USP47: variants seen among roughly 807,000 people sequenced by gnomAD.
USP47 encodes the protein ubiquitin carboxyl-terminal hydrolase 47.
Under a neutral mutation model 165.1 loss-of-function variants are expected in USP47, and 35 were observed. The observed-to-expected ratio is 0.21, with a 90% CI of 0.16 to 0.28. The LOEUF is 0.28. USP47 is among the 10% of genes least tolerant of loss of function. USP47 has a pLI of 1.00. For missense variants in USP47, 1,277 were observed against 1,607.4 expected (o/e 0.79, Z 3.52); for synonymous variants, 531 against 544.5 (o/e 0.98, Z 0.35).
At chr11:11,925,297 A>G (rs1854155465) in intron 11 of USP47, among the ~76,000 whole-genome samples, 1 of 151,840 alleles carries the variant, frequency 6.6e-6, no homozygotes, top group African/African-American at 2.4e-5. Flanking sequence ...TTTAGTAGAG[A>G]TGGGGTTTCA....
intron 4 of USP47, 49 bp downstream of exon 4, chr11:11,892,155 T>C: frequency 6.4e-7 from 1 of 1,563,120 alleles, no homozygotes; most frequent in Non-Finnish European, 8.7e-7. Flanking sequence ...AGATCCAAAG[T>C]AATCTTAGCG....
chr11:11,950,440 A>C lies in USP47; in HGVS notation c.3541A>C (p.Asn1181His), dbSNP rs755745251. ...LDYHIYEEDI[N>H]ISSNWEVFLE... ...TTATCATATTTATGAAGAAGATATT[A>C]ATATTTCCAGCAACTGGGAGGTTTT... is the stretch of plus-strand genomic sequence containing the variant. The change falls in exon 24 of 28, where the codon AAT becomes CAT. Residue 1181 changes from asparagine to histidine, a missense_variant. By Grantham distance (68) the Asn-to-His change is moderately conservative. Around this residue, in one of 4 missense-constraint regions of USP47, gnomAD observed 909 missense variants for 1,068.1 expected, o/e 0.85. Transcript: ENST00000527733. 1.2e-6 allele frequency: 2 copies of C among 1,606,442 alleles called. No individual in the cohort carries two copies. Among genetic ancestry groups the C allele is most frequent in the Admixed American group, 3.4e-5 (2 of 58,746 alleles).
chr11:11,944,341 A>G (rs887537865), intron 20 of USP47, among the ~76,000 whole-genome samples: 5 of 152,006 alleles, frequency 3.3e-5, no homozygotes, highest in Non-Finnish European at 7.4e-5. Context: ...AGAAATTATG[A>G]AATAATACAA....
intron 1 of USP47, among the ~76,000 whole-genome samples, chr11:11,871,368 T>C (rs1423246779): frequency 1.3e-5 from 2 of 151,626 alleles, no homozygotes; most frequent in African/African-American, 4.8e-5. Context: ...CTGGGCATGG[T>C]GGTGCATGCC....
chr11:11,879,182 T>C (rs1850670409), intron 1 of USP47, among the ~76,000 whole-genome samples: 1 of 152,128 alleles, frequency 6.6e-6, no homozygotes, highest in Non-Finnish European at 1.5e-5. Context: ...CATAATTTTG[T>C]TGTAGGATAT....
At chr11:11,871,554 G>A (rs994472642) in intron 1 of USP47, among the ~76,000 whole-genome samples, 5 of 145,792 alleles carry the variant, frequency 3.4e-5, no homozygotes, top group Non-Finnish European at 7.5e-5. Flanking sequence ...CTGGTTGGTG[G>A]GAACCTAAGT....
chr11:11,955,094 A>T lies in USP47; in HGVS notation c.3823A>T (p.Asn1275Tyr). The T allele has an allele frequency of 1.9e-6, 3 of 1,613,906 alleles. No homozygotes were observed. Among genetic ancestry groups the T allele is most frequent in the Non-Finnish European group, 2.5e-6 (3 of 1,179,902 alleles). ...TGATATTCATCAGGATTTAGACTGGAATCCTAAAGTTTCTACCCTGAATGT... is the reference window on the plus strand; with the variant it reads ...TGATATTCATCAGGATTTAGACTGGTATCCTAAAGTTTCTACCCTGAATGT... ...VLDIHQDLDW[N>Y]PKVSTLNVWP... Residue 1275 changes from asparagine to tyrosine, a missense_variant, in exon 27 of 28, where the codon AAT becomes TAT. Transcript: ENST00000527733.
chr11:11,851,932 T>C (rs1325487122), intron 1 of USP47, among the ~76,000 whole-genome samples: 1 of 152,154 alleles, frequency 6.6e-6, no homozygotes, highest in African/African-American at 2.4e-5. Context: ...TAGGGGGGCA[T>C]GATGCTGATA....
intron 2 of USP47, among the ~76,000 whole-genome samples, chr11:11,883,597 C>T (rs1353767586): frequency 6.6e-6 from 1 of 152,164 alleles, no homozygotes; most frequent in Non-Finnish European, 1.5e-5. Context: ...CTGCCCATGT[C>T]TTTGAAACAT....
intron 1 of USP47, among the ~76,000 whole-genome samples, chr11:11,866,898 T>C (rs1468988697): frequency 6.6e-6 from 1 of 152,054 alleles, no homozygotes; most frequent in Non-Finnish European, 1.5e-5. Flanking sequence ...TAATTTTTAA[T>C]TTTTACTTTT....
intron 20 of USP47, among the ~76,000 whole-genome samples, chr11:11,947,364 C>T (rs556666587): frequency 2.6e-5 from 4 of 152,214 alleles, no homozygotes; most frequent in African/African-American, 9.6e-5. Context: ...AATCAGACAT[C>T]TTAGTATGCC....
chr11:11,951,587 T>C (rs1042379701), intron 24 of USP47: 5 of 152,218 alleles, frequency 3.3e-5, no homozygotes. Context: ...AGGAAAATTT[T>C]AATTTTCCTT....
chr11:11,954,095 C>A (rs867409073), intron 25 of USP47, among the ~76,000 whole-genome samples: 29 of 151,976 alleles, frequency 1.9e-4, no homozygotes, highest in African/African-American at 6.3e-4. Flanking sequence ...ACTAAAAATA[C>A]AAAAATTAGC....
intron 8 of USP47, among the ~76,000 whole-genome samples, chr11:11,908,031 T>G (rs1411181485): frequency 6.6e-6 from 1 of 152,058 alleles, no homozygotes; most frequent in East Asian, 1.9e-4. Context: ...GAGGCTGCAA[T>G]GAGCTGAGAT....
intron 11 of USP47, among the ~76,000 whole-genome samples, chr11:11,924,792 T>C (rs2134634819): frequency 6.6e-6 from 1 of 152,290 alleles, no homozygotes; most frequent in East Asian, 1.9e-4. Context: ...TTTAATGTCC[T>C]TTTAATGCAG....
intron 1 of USP47, chr11:11,878,476 C>T (rs1850622447): frequency 6.6e-6 from 1 of 151,990 alleles, no homozygotes; most frequent in African/African-American, 2.4e-5. Flanking sequence ...TTAAAAAGAT[C>T]TATTTTATGT....
chr11:11,920,095 C>A, intron 8 of USP47, 61 bp from the exon 9 acceptor site: 1 of 1,247,334 alleles, frequency 8.0e-7, no homozygotes, highest in Non-Finnish European at 1.1e-6. Context: ...CTTTTTTATT[C>A]AGGATTTTGT....
intron 7 of USP47, among the ~76,000 whole-genome samples, chr11:11,904,311 A>G (rs1852408668): frequency 6.6e-6 from 1 of 152,200 alleles, no homozygotes; most frequent in African/African-American, 2.4e-5. Flanking sequence ...TTCATTAAAT[A>G]AGTGGTTTTA....
At chr11:11,916,588 T>C (rs1554911437) in intron 8 of USP47, among the ~76,000 whole-genome samples, 1 of 150,272 alleles carries the variant, frequency 6.7e-6, no homozygotes, top group South Asian at 2.1e-4. Flanking sequence ...CAAGAGAAAA[T>C]AGAAAGAAGA....
Sources: gnomAD v4.1 joint callset for allele counts (sites outside exome capture counted in the v4.1 genomes callset) on GRCh38, gnomAD v4.1.1 for gene constraint, gnomAD v4.1.1 regional missense constraint, MANE v1.5 for transcripts, NCBI Gene and HGNC (gene_info 2026-07-23, HGNC 2026-07-21) for gene names.